Variants in TMPRSS3 observed in about 807,000 individuals in gnomAD.
TMPRSS3 encodes the protein transmembrane protease serine 3.
In TMPRSS3, 55 loss-of-function variants were observed where a neutral mutation model predicts 59.6. The ratio of observed to expected loss-of-function variants is 0.92; its 90% CI spans 0.74 to 1.16. TMPRSS3 has a LOEUF of 1.16. Ranked by LOEUF, TMPRSS3 falls within the 50% of genes most tolerant of loss-of-function variation. The pLI, the probability that TMPRSS3 is intolerant of heterozygous loss-of-function variation, is 0.00. For missense variants in TMPRSS3, 596 were observed against 579.4 expected, an observed-to-expected ratio of 1.03 and a Z score of -0.29; for synonymous variants, 257 against 237.7, an observed-to-expected ratio of 1.08 and a Z score of -0.75.
At chr21:42,383,446 T>A in intron 7 of TMPRSS3, 1 of 586,982 alleles carries the variant, frequency 1.7e-6, no homozygotes. Context: ...GCTTGGTCAG[T>A]GCCCAGCATT....
intron 12 of TMPRSS3, among the ~76,000 whole-genome samples, chr21:42,374,285 A>C (rs978901485): frequency 5.9e-5 from 9 of 152,308 alleles, no homozygotes; most frequent in South Asian, 4.1e-4. Context: ...ACCCAGCCCG[A>C]GCACAGCCCT....
rs1057405395 is a variant in TMPRSS3, at chr21:42,375,929, T to A, written c.1192-61A>T. The A allele has an allele frequency of 2.5e-6, 4 of 1,603,912 alleles. No individual in the cohort carries two copies. The African/African-American group carries it at 5.3e-5, about 21-fold the overall frequency. On this transcript the variant is annotated intron_variant, in intron 11 of 12. Transcript: ENST00000644384. ...GTCACCGCCATGCGAGATTGCTTTC[T>A]GTGGACAGTCTGCCGTGTGAGGCTG...
At chr21:42,389,860 G>A (rs1273255475) in intron 3 of TMPRSS3, 67 bp downstream of exon 3, 29 of 1,182,474 alleles carry the variant, frequency 2.5e-5, no homozygotes, top group Admixed American at 1.2e-4. Flanking sequence ...ATGAGAGGGG[G>A]CGCTCATGAA....
intron 9 of TMPRSS3, 97 bp downstream of exon 9, chr21:42,381,968 T>C (rs1443347348): frequency 2.1e-6 from 3 of 1,451,038 alleles, no homozygotes; most frequent in Middle Eastern, 1.7e-4. Flanking sequence ...CTGACAAGGA[T>C]TATAAAGCAG....
intron 10 of TMPRSS3, among the ~76,000 whole-genome samples, chr21:42,377,692 T>C (rs936914033): frequency 6.6e-6 from 1 of 152,128 alleles, no homozygotes; most frequent in Non-Finnish European, 1.5e-5. Flanking sequence ...AAAGACTCCA[T>C]AGATTCCATG....
At chr21:42,372,851 G>A (rs887689621) in intron 12 of TMPRSS3, 72 bp from the exon 13 acceptor site, 13 of 1,577,048 alleles carry the variant, frequency 8.2e-6, no homozygotes, top group Non-Finnish European at 1.1e-5. Flanking sequence ...GACGGAGCGG[G>A]CACCTGCATT....
intron 6 of TMPRSS3, among the ~76,000 whole-genome samples, chr21:42,384,891 T>A (rs938371799): frequency 3.9e-5 from 6 of 152,170 alleles, no homozygotes; most frequent in Non-Finnish European, 8.8e-5. Context: ...CTGGTGGTTA[T>A]TTAAGAACAC....
intron 12 of TMPRSS3, 106 bp from the exon 13 acceptor site, chr21:42,372,885 T>A (rs994231762): frequency 2.9e-6 from 4 of 1,368,714 alleles, no homozygotes; most frequent in Non-Finnish European, 4.2e-6. Context: ...ATTGTGGGGC[T>A]GTTCTCCACG....
chr21:42,373,072 T>A (rs986803005), intron 12 of TMPRSS3, among the ~76,000 whole-genome samples: 29 of 152,064 alleles, frequency 1.9e-4, no homozygotes, highest in Admixed American at 3.3e-4. Flanking sequence ...CTGGTTTGAG[T>A]CACAACAATT....
In TMPRSS3 at chr21:42,390,627, C is replaced by T. The variant is rs368674249; in HGVS notation, c.95-590G>A. On this transcript the variant is annotated intron_variant, in intron 2 of 12. Transcript: ENST00000644384. The stretch of plus-strand genomic sequence containing the variant: ...CCTGTAATCCCAACTACTCAGGAGG[C>T]TGAGGCATGAGAATCGCTTGAACCT... Among the ~76,000 whole-genome samples, 16 of 152,284 alleles carry T rather than the reference C, an allele frequency of 1.1e-4. No homozygotes were observed. In the East Asian group the frequency reaches 3.1e-3, roughly 29 times the overall value.
intron 6 of TMPRSS3, among the ~76,000 whole-genome samples, chr21:42,384,787 G>T (rs1370469738): frequency 6.6e-6 from 1 of 152,150 alleles, no homozygotes; most frequent in East Asian, 1.9e-4. Flanking sequence ...ATGTCAGGGA[G>T]AGAATATGGA....
At chr21:42,380,743 G>A (rs2052514086) in intron 9 of TMPRSS3, among the ~76,000 whole-genome samples, 1 of 152,248 alleles carries the variant, frequency 6.6e-6, no homozygotes, top group Non-Finnish European at 1.5e-5. Context: ...CGACGAGTTT[G>A]CCTGTGTGTA....
At chr21:42,395,497 G>A (rs768500859) in intron 1 of TMPRSS3, 29 bp from the exon 2 acceptor site, 1 of 1,239,814 alleles carries the variant, frequency 8.1e-7, no homozygotes. Context: ...GAAAGCATTT[G>A]TTCCCCTATT....
chr21:42,382,829 A>G, intron 8 of TMPRSS3: 1 of 662,084 alleles, frequency 1.5e-6, no homozygotes, highest in African/African-American at 1.8e-5. Context: ...TACAATCCTT[A>G]AAACAAGCTC....
Position 42,381,677 on chromosome 21 carries a change from G to A in TMPRSS3, c.952+388C>T, listed in dbSNP as rs115510219. On this transcript the variant is annotated intron_variant, in intron 9 of 12. Transcript: ENST00000644384. The stretch of plus-strand genomic sequence containing the variant: ...GCACCAGACAAAGCACACAGCCCAC[G>A]AAGGCTCTAAAATTATTGTTGGAAC... Among the ~76,000 whole-genome samples the A allele has an allele frequency of 6.6e-3, 998 of 152,316 alleles. 14 individuals are homozygous for A. Among genetic ancestry groups the A allele is most frequent in the African/African-American group, 0.022 (922 of 41,568 alleles).
At chr21:42,374,331 C>T (rs1264809571) in intron 12 of TMPRSS3, among the ~76,000 whole-genome samples, 1 of 152,228 alleles carries the variant, frequency 6.6e-6, no homozygotes, top group East Asian at 1.9e-4. Flanking sequence ...GGCTGCAGGG[C>T]GGCAGTGCTG....
At chr21:42,383,762 G>C in intron 7 of TMPRSS3, 1 of 715,506 alleles carries the variant, frequency 1.4e-6, no homozygotes, top group Non-Finnish European at 2.6e-6. Flanking sequence ...GAGTTGCTCT[G>C]GCTGTCTCCC....
In TMPRSS3 at chr21:42,388,975, A is replaced by G. The variant is rs1265624165; in HGVS notation, c.276T>C (p.Cys92=). 9.9e-6 allele frequency: 16 copies of G among 1,614,136 alleles called. No individual in the cohort carries two copies. The highest frequency in any genetic ancestry group is 1.4e-5 in the Non-Finnish European group (16 of 1,180,046). Residue 92 remains cysteine, a synonymous_variant, in exon 4 of 13, where the codon TGT becomes TGC. Coordinates refer to ENST00000644384, the MANE Select transcript of TMPRSS3 (RefSeq NM_001256317.3). This position sits in a 1 kb window ranked among gnomAD's most constrained non-coding sequence, Gnocchi z 5.1. ...SFKCIELIAR[C]DGVSDCKDGE... ...CGTCTTTGCAATCCGAGACTCCGTC[A>G]CATCGAGCTATCAGCTCGATACACT...
chr21:42,392,392 T>C (rs1344651673), intron 2 of TMPRSS3, among the ~76,000 whole-genome samples: 1 of 152,150 alleles, frequency 6.6e-6, no homozygotes, highest in Non-Finnish European at 1.5e-5. Flanking sequence ...AAATAGAAGC[T>C]GCACTTCGCA....
Sources: allele counts gnomAD v4.1 joint callset (sites outside exome capture counted in the v4.1 genomes callset), GRCh38; gene constraint gnomAD v4.1.1; non-coding constraint Gnocchi (gnomAD v3.1); transcripts MANE v1.5; gene names NCBI Gene and HGNC (gene_info 2026-07-23, HGNC 2026-07-21).